Variants in METTL9 observed in about 807,000 individuals in gnomAD.
METTL9 encodes the protein methyltransferase 9, His-X-His N1(pi)-histidine, also known as protein-L-histidine N-pros-methyltransferase.
A neutral mutation model predicts 36.0 loss-of-function variants in METTL9; 10 were observed. That is an observed-to-expected ratio of 0.28 (90% CI 0.17 to 0.47). The LOEUF is 0.47. Ranked by LOEUF, METTL9 falls within the 20% of genes least tolerant of loss-of-function variation. The probability of loss-of-function intolerance (pLI) is 0.99; values close to 1 mark genes in which losing one functional copy is unlikely to be tolerated. For missense variants in METTL9, 246 were observed against 383.5 expected, an observed-to-expected ratio of 0.64 and a Z score of 3.00; for synonymous variants, 175 against 149.7, an observed-to-expected ratio of 1.17 and a Z score of -1.23.
At chr16:21,599,416 C>T (rs1264999410), upstream of METTL9, 20 of 1,104,698 alleles carry the variant, frequency 1.8e-5, no homozygotes, top group Non-Finnish European at 2.0e-5. This position sits in a 1 kb window ranked among gnomAD's most constrained non-coding sequence, Gnocchi z 4.4. Context: ...CTCCCTTTGT[C>T]CCGCCTCCCA....
At chr16:21,606,873 T>C (rs1004421234) in intron 1 of METTL9, among the ~76,000 whole-genome samples, 1 of 152,228 alleles carries the variant, frequency 6.6e-6, no homozygotes, top group Non-Finnish European at 1.5e-5. Context: ...CTTTGTATTT[T>C]GGGAATGTTG....
intron 4 of METTL9, among the ~76,000 whole-genome samples, chr16:21,627,905 A>G (rs1351972093): frequency 6.6e-6 from 1 of 152,200 alleles, no homozygotes; most frequent in African/African-American, 2.4e-5. Flanking sequence ...GTGAGCCGAG[A>G]TTGCACCACT....
Position 21,599,591 on chromosome 16 carries a change from C to T in METTL9, c.-143C>T, listed in dbSNP as rs1036679269. The T allele has an allele frequency of 9.5e-5, 125 of 1,310,136 alleles. No individual in the cohort carries two copies. The highest frequency in any genetic ancestry group is 1.2e-4 in the Non-Finnish European group (122 of 1,035,574). The allele number at this position is 1,310,136 out of a possible 1,614,324, so 81.2% of individuals were successfully genotyped here. ...GCCGGCTGCTCCTCCCCACCCCCAGCCTTTGCCCTGAAGGGGGCTGGATGG... is the reference window on the plus strand; with the variant it reads ...GCCGGCTGCTCCTCCCCACCCCCAGTCTTTGCCCTGAAGGGGGCTGGATGG... On this transcript the variant is annotated 5_prime_UTR_variant, in exon 1 of 5. Coordinates refer to ENST00000358154, the MANE Select transcript of METTL9 (RefSeq NM_016025.5). The surrounding 1 kb of genome is among the most constrained non-coding windows in gnomAD (Gnocchi z 4.4).
At chr16:21,612,434 A>G (rs1278062213) in intron 1 of METTL9, 1 of 452,546 alleles carries the variant, frequency 2.2e-6, no homozygotes, top group East Asian at 3.8e-5. Context: ...GGGCTGTAAG[A>G]GAATTAAATG....
chr16:21,613,668 G>A (rs975984803), intron 2 of METTL9, among the ~76,000 whole-genome samples: 1 of 152,058 alleles, frequency 6.6e-6, no homozygotes, highest in African/African-American at 2.4e-5. Flanking sequence ...GATATAATTA[G>A]TCAGCCCAAC....
intron 4 of METTL9, chr16:21,646,336 G>T (rs1200602238): frequency 2.0e-5 from 3 of 152,118 alleles, no homozygotes; most frequent in Non-Finnish European, 2.9e-5. Flanking sequence ...CAGGCAGAAT[G>T]GGAAGGGTCA....
intron 1 of METTL9, among the ~76,000 whole-genome samples, chr16:21,611,567 G>A (rs1965425559): frequency 6.6e-6 from 1 of 152,166 alleles, no homozygotes; most frequent in African/African-American, 2.4e-5. Context: ...GGCTATGTTA[G>A]AGGAATCTCA....
At chr16:21,610,368 A>G (rs1246461739) in intron 1 of METTL9, among the ~76,000 whole-genome samples, 1 of 152,216 alleles carries the variant, frequency 6.6e-6, no homozygotes, top group East Asian at 1.9e-4. Context: ...ATTTTATATG[A>G]ATCTATTATC....
At chr16:21,617,644 G>C (rs1157803248) in intron 2 of METTL9, among the ~76,000 whole-genome samples, 5 of 151,730 alleles carry the variant, frequency 3.3e-5, no homozygotes, top group East Asian at 1.9e-4. Flanking sequence ...CAGGAGAATC[G>C]CTTGAACCCA....
At chr16:21,645,436 G>A (rs766105754) in intron 4 of METTL9, among the ~76,000 whole-genome samples, 9 of 152,034 alleles carry the variant, frequency 5.9e-5, no homozygotes, top group African/African-American at 9.7e-5. Context: ...CAGCCCGGGC[G>A]ACAGAGCAAG....
chr16:21,607,758 C>T (rs568285301), intron 1 of METTL9, among the ~76,000 whole-genome samples: 33 of 152,280 alleles, frequency 2.2e-4, no homozygotes, highest in Non-Finnish European at 4.6e-4. Flanking sequence ...GTAGAGTGGG[C>T]GTGTAGTCCT....
At position 21,621,096 on chromosome 16, in the gene METTL9, A is replaced by G. The variant is rs896190579; in HGVS notation, c.566+3022A>G. Among the ~76,000 whole-genome samples, 17 of 151,898 alleles carry G rather than the reference A, an allele frequency of 1.1e-4. 1 individual carries two copies. Among genetic ancestry groups the G allele is most frequent in the Admixed American group, 3.3e-4 (5 of 15,242 alleles). On this transcript the variant is annotated intron_variant, in intron 3 of 4. Transcript: ENST00000358154. ...GTGATCCTCTCACCTCAGCCTCCTC[A>G]GTAGCTGGGACTACAGGTGCCTGCT...
Position 21,655,582 on chromosome 16 carries a change from T to C in METTL9, c.*150T>C. 4.4e-6 allele frequency: 3 copies of C among 680,888 alleles called. 1 individual carries two copies. The highest frequency in any genetic ancestry group is 4.2e-4 in the Middle Eastern group (1 of 2,380). The allele number at this position is 680,888 out of a possible 1,614,324, so 42.2% of individuals were successfully genotyped here. A position where few individuals can be genotyped will look rare whatever the true frequency, so the allele number is the denominator to read the frequency against. On this transcript the variant is annotated 3_prime_UTR_variant, in exon 5 of 5. Coordinates refer to ENST00000358154, the MANE Select transcript of METTL9 (RefSeq NM_016025.5). ...ATTTAAAAAGCCAAAATACTAATTA[T>C]TTCTTTGTAGTGTGTAAAGGAATGT...
At chr16:21,643,678 G>T in intron 4 of METTL9, 1 of 883,828 alleles carries the variant, frequency 1.1e-6, no homozygotes, top group South Asian at 1.5e-5. Context: ...GCCCTAATAA[G>T]ATTAAACTAA....
At chr16:21,599,202 C>A (rs1965023470), upstream of METTL9, among the ~76,000 whole-genome samples, 1 of 152,024 alleles carries the variant, frequency 6.6e-6, no homozygotes, top group Non-Finnish European at 1.5e-5. This position sits in a 1 kb window ranked among gnomAD's most constrained non-coding sequence, Gnocchi z 4.4. Flanking sequence ...GAGAGGTAAC[C>A]CTGTCAAAGT....
At position 21,646,144 on chromosome 16, in the gene METTL9, C is replaced by A. The variant is rs1211977016; in HGVS notation, c.752-9083C>A. ...CCTTCAGAATCATGTAAAGCTTTTT[C>A]TCTGAAATTCCCCCTTTTTTTTTCT... On this transcript the variant is annotated intron_variant, in intron 4 of 4. Transcript: ENST00000358154. Among the ~76,000 whole-genome samples, 8 of 115,990 alleles carry A rather than the reference C, an allele frequency of 6.9e-5. No individual in the cohort carries two copies. In the South Asian group the frequency reaches 2.0e-3, roughly 28 times the overall value. 76.1% of individuals were successfully genotyped at this position (115,990 alleles called of 152,430 possible).
chr16:21,604,537 G>T, intron 1 of METTL9, among the ~76,000 whole-genome samples: 1 of 152,112 alleles, frequency 6.6e-6, no homozygotes, highest in East Asian at 1.9e-4. Flanking sequence ...GGATATGAGG[G>T]TGCCTGTCAC....
chr16:21,599,977 G>A lies in METTL9; in HGVS notation c.165+79G>A, dbSNP rs1014732907. On this transcript the variant is annotated intron_variant, in intron 1 of 4. Transcript: ENST00000358154. The surrounding 1 kb of genome is among the most constrained non-coding windows in gnomAD (Gnocchi z 4.4). ...GCTGGGCCCGGCTATTGTGCGGGAC[G>A]GCTCCGCGAGGGGGCGGCCCGGCCC... is the stretch of plus-strand genomic sequence containing the variant. 9 of 1,152,912 alleles carry A rather than the reference G, an allele frequency of 7.8e-6. No homozygotes were observed. The African/African-American group carries it at 1.5e-4, about 19-fold the overall frequency. 71.4% of individuals were successfully genotyped at this position (1,152,912 alleles called of 1,614,324 possible). A position where few individuals can be genotyped will look rare whatever the true frequency, so the allele number is the denominator to read the frequency against.
intron 3 of METTL9, 31 bp from the exon 4 acceptor site, chr16:21,624,900 A>G (rs1965784458): frequency 6.3e-7 from 1 of 1,597,160 alleles, no homozygotes; most frequent in African/African-American, 1.3e-5. Flanking sequence ...GAGGGACTTT[A>G]TGTTAATACA....
Sources: allele counts gnomAD v4.1 joint callset (sites outside exome capture counted in the v4.1 genomes callset), GRCh38; gene constraint gnomAD v4.1.1; non-coding constraint Gnocchi (gnomAD v3.1); transcripts MANE v1.5; gene names NCBI Gene and HGNC (gene_info 2026-07-23, HGNC 2026-07-21).